ZFAT: variants seen among roughly 807,000 people sequenced by gnomAD.
ZFAT encodes zinc finger and AT-hook domain containing.
Under a neutral mutation model 117.7 loss-of-function variants are expected in ZFAT, and 64 were observed. The observed-to-expected ratio is 0.54, with a 90% CI of 0.44 to 0.67. The LOEUF (loss-of-function observed/expected upper bound fraction) is 0.67, where lower values mean the gene tolerates loss of function less well. Among genes scored for constraint, ZFAT ranks in the 30% least tolerant of loss-of-function variants. The pLI is 0.00. For missense variants in ZFAT, 1,433 were observed against 1,584.5 expected (o/e 0.90, Z 1.62); for synonymous variants, 679 against 615.0 (o/e 1.10, Z -1.54).
At chr8:134,729,003 A>T in the ZFAT span, among the ~76,000 whole-genome samples, 1 of 152,148 alleles carries the variant, frequency 6.6e-6, no homozygotes, top group Non-Finnish European at 1.5e-5. Context: ...CTATACACTA[A>T]TTGTCACATT....
At chr8:134,806,541 A>G in the ZFAT span, among the ~76,000 whole-genome samples, 1 of 152,226 alleles carries the variant, frequency 6.6e-6, no homozygotes, top group African/African-American at 2.4e-5. Flanking sequence ...ATACTTGACT[A>G]ATGAGGATGC....
In ZFAT at chr8:134,558,109, C is replaced by T. The variant is rs780241813; in HGVS notation, c.2976+7224G>A. On this transcript the variant is annotated intron_variant, in intron 11 of 15. Coordinates refer to ENST00000377838, the MANE Select transcript of ZFAT (RefSeq NM_020863.4). ...AGAAATGCATTATGTGAACATTTAT[C>T]AAGATCCCAAGGTAATTCTGATGTT... Among the ~76,000 whole-genome samples, 68 of 152,306 alleles carry T rather than the reference C, an allele frequency of 4.5e-4. 1 individual carries two copies. The highest frequency in any genetic ancestry group is 8.4e-4 in the Non-Finnish European group (57 of 68,026).
chr8:134,817,439 C>T, the ZFAT span, among the ~76,000 whole-genome samples: 86 of 106,830 alleles, frequency 8.1e-4, no homozygotes, highest in Middle Eastern at 4.2e-3. Context: ...ACACACACAA[C>T]GCACCCTTAT....
chr8:134,782,868 G>A, the ZFAT span, among the ~76,000 whole-genome samples: 8 of 151,868 alleles, frequency 5.3e-5, no homozygotes, highest in Non-Finnish European at 1.2e-4. Context: ...CTCTTTTTAA[G>A]AAACAAAAAT....
intron 13 of ZFAT, among the ~76,000 whole-genome samples, chr8:134,514,514 G>A (rs1006263974): frequency 6.6e-6 from 1 of 152,112 alleles, no homozygotes; most frequent in African/African-American, 2.4e-5. Context: ...GCCTCCAGGG[G>A]CTCATTCAGG....
intron 10 of ZFAT, among the ~76,000 whole-genome samples, chr8:134,576,946 A>C (rs78830270): frequency 0.02 from 3,028 of 152,196 alleles, 103 homozygotes; most frequent in African/African-American, 0.069. Flanking sequence ...TTAGAAATAA[A>C]CTCCAAAGAC....
intron 1 of ZFAT, chr8:134,696,306 C>A: frequency 2.2e-6 from 2 of 891,140 alleles, no homozygotes; most frequent in Non-Finnish European, 2.7e-6. Flanking sequence ...CCCTGCAAAG[C>A]AGTACAGCGT....
intron 3 of ZFAT, among the ~76,000 whole-genome samples, chr8:134,624,235 G>C (rs147763431): frequency 2.8e-4 from 42 of 151,108 alleles, no homozygotes; most frequent in African/African-American, 9.5e-4. Flanking sequence ...ACTCTGATGA[G>C]CTTCCCACAC....
At chr8:134,764,835 C>T in the ZFAT span, 4 of 152,204 alleles carry the variant, frequency 2.6e-5, no homozygotes, top group East Asian at 7.7e-4. Flanking sequence ...TGGCAGCACC[C>T]ATCTGCTGTG....
chr8:134,653,419 G>GT (rs61711569), intron 2 of ZFAT, among the ~76,000 whole-genome samples: 1,069 of 51,332 alleles, frequency 0.021, 98 homozygotes, highest in Non-Finnish European at 0.023. Flanking sequence ...CGTTTTATCT[G>GT]TTTTTTTTTT....
At chr8:134,768,073 T>G in the ZFAT span, among the ~76,000 whole-genome samples, 1 of 152,224 alleles carries the variant, frequency 6.6e-6, no homozygotes, top group South Asian at 2.1e-4. Context: ...GCATACCTTG[T>G]TCAACTGCAC....
At chr8:134,601,354 T>C (rs894346) in intron 6 of ZFAT, 123 bp downstream of exon 6, 573,456 of 1,390,734 alleles carry the variant, frequency 0.41, 120,268 homozygotes, top group Admixed American at 0.59. Context: ...CTATCTACAA[T>C]GGAGGAGGAT....
chr8:134,739,373 G>T, the ZFAT span, among the ~76,000 whole-genome samples: 3 of 151,968 alleles, frequency 2.0e-5, no homozygotes, highest in Non-Finnish European at 4.4e-5. Flanking sequence ...GTAAGAAATG[G>T]AAGAGAAAAT....
chr8:134,551,595 T>C (rs1354741221), intron 11 of ZFAT, among the ~76,000 whole-genome samples: 2 of 152,224 alleles, frequency 1.3e-5, no homozygotes, highest in Non-Finnish European at 2.9e-5. Context: ...GTGCTGAGAC[T>C]CTGAGACGAT....
chr8:134,618,867 C>T (rs577049079), intron 3 of ZFAT, among the ~76,000 whole-genome samples: 28 of 152,252 alleles, frequency 1.8e-4, no homozygotes, highest in Non-Finnish European at 2.9e-5. Flanking sequence ...ATTTGTAATA[C>T]CTTAGTGTAC....
intron 15 of ZFAT, among the ~76,000 whole-genome samples, chr8:134,501,663 C>T (rs1053830081): frequency 1.2e-4 from 18 of 152,054 alleles, no homozygotes; most frequent in Non-Finnish European, 2.4e-4. Flanking sequence ...TCAAAGGAGG[C>T]TTTGAAGGGG....
At chr8:134,663,100 G>A (rs537174361) in intron 1 of ZFAT, among the ~76,000 whole-genome samples, 2 of 152,342 alleles carry the variant, frequency 1.3e-5, no homozygotes, top group South Asian at 2.1e-4. Context: ...TCTGACCAGT[G>A]GTTTTCCTCC....
At chr8:134,625,486 C>T (rs1586840967) in intron 3 of ZFAT, among the ~76,000 whole-genome samples, 2 of 152,366 alleles carry the variant, frequency 1.3e-5, no homozygotes, top group East Asian at 3.9e-4. Context: ...CCAGGAAACG[C>T]TCCAGCAAGT....
At chr8:134,761,982 ATGTGTGTGTG>A in the ZFAT span, among the ~76,000 whole-genome samples, 2 of 147,126 alleles carry the variant, frequency 1.4e-5, no homozygotes, top group African/African-American at 2.5e-5. Context: ...TTCTCTCTGT[ATGTGTGTGTG>A]TGTGTGTGTG....
Sources: allele counts gnomAD v4.1 joint callset (sites outside exome capture counted in the v4.1 genomes callset), GRCh38; gene constraint gnomAD v4.1.1; transcripts MANE v1.5; gene names NCBI Gene and HGNC (gene_info 2026-07-23, HGNC 2026-07-21).